MTERF4: variants seen among roughly 807,000 people sequenced by gnomAD.
MTERF4 encodes transcription termination factor 4, mitochondrial.
A neutral mutation model predicts 22.5 loss-of-function variants in MTERF4; 17 were observed. The ratio of observed to expected loss-of-function variants is 0.75; its 90% confidence interval spans 0.52 to 1.13. The LOEUF (loss-of-function observed/expected upper bound fraction) is 1.13, where lower values mean the gene tolerates loss of function less well. Ranked by LOEUF, MTERF4 falls within the 50% of genes most tolerant of loss-of-function variation. The pLI, the probability that MTERF4 is intolerant of heterozygous loss-of-function variation, is 0.00. For synonymous variants in MTERF4, 165 were observed against 175.3 expected, an observed-to-expected ratio of 0.94 and a Z score of 0.47; for missense variants, 420 against 466.8, an observed-to-expected ratio of 0.90 and a Z score of 0.92.
At chr2:241,069,975 C>G, downstream of MTERF4, 1 of 1,613,022 alleles carries the variant, frequency 6.2e-7, no homozygotes, top group Non-Finnish European at 8.5e-7. The surrounding 1 kb of genome is among the most constrained non-coding windows in gnomAD (Gnocchi z 4.9). Context: ...CCTCTGCCCA[C>G]GTGGTCTGGG....
chr2:241,095,697 A>G lies in MTERF4; in HGVS notation c.*301T>C. The G allele has an allele frequency of 2.8e-6, 1 of 351,466 alleles. No homozygotes were observed. Among genetic ancestry groups the G allele is most frequent in the African/African-American group, 2.1e-5 (1 of 47,622 alleles). The allele number at this position is 351,466 out of a possible 1,614,324, so 21.8% of individuals were successfully genotyped here. A position where few individuals can be genotyped will look rare whatever the true frequency, so the allele number is the denominator to read the frequency against. On this transcript the variant is annotated 3_prime_UTR_variant, in exon 4 of 4. Coordinates refer to ENST00000391980, the MANE Select transcript of MTERF4 (RefSeq NM_182501.4). ...CAACATATTCAAAAGAGAAAAAAAT[A>G]AAACCAATTGTTGATATATTGAGTC...
At chr2:241,089,218 A>T (rs148561315), downstream of MTERF4, 2 of 1,368,992 alleles carry the variant, frequency 1.5e-6, no homozygotes, top group African/African-American at 2.9e-5. Context: ...TCACTGCATG[A>T]AAGATGAATC....
chr2:241,079,396 A>G (rs1352469633), intron 4 of MTERF4, among the ~76,000 whole-genome samples: 1 of 147,320 alleles, frequency 6.8e-6, no homozygotes, highest in African/African-American at 2.5e-5. Context: ...TGGGCGACAG[A>G]GTGAGACTCC....
chr2:241,050,781 C>A, the MTERF4 span, among the ~76,000 whole-genome samples: 1 of 152,178 alleles, frequency 6.6e-6, no homozygotes, highest in African/African-American at 2.4e-5. Flanking sequence ...TGACTCTGGC[C>A]CTACTCCAGC....
the MTERF4 span, chr2:241,053,420 T>G: frequency 3.3e-5 from 43 of 1,313,722 alleles, no homozygotes; most frequent in Non-Finnish European, 4.3e-5. Context: ...GGCCCAAGCC[T>G]GGATGCCCAG....
At chr2:241,082,940 C>G, downstream of MTERF4, among the ~76,000 whole-genome samples, 1 of 151,894 alleles carries the variant, frequency 6.6e-6, no homozygotes, top group East Asian at 1.9e-4. Flanking sequence ...ATTTAGTCAA[C>G]AGATGACTTA....
the MTERF4 span, chr2:241,052,479 CAG>C: frequency 3.2e-6 from 5 of 1,585,734 alleles, no homozygotes; most frequent in East Asian, 2.3e-5. Flanking sequence ...GTGAGAGGGT[CAG>C]GGGGATCAAG....
At chr2:241,086,258 T>A (rs2063570496), downstream of MTERF4, among the ~76,000 whole-genome samples, 1 of 152,216 alleles carries the variant, frequency 6.6e-6, no homozygotes. Context: ...CTTCTTTGCC[T>A]TGTGGGGATT....
At chr2:241,057,813 G>C in the MTERF4 span, among the ~76,000 whole-genome samples, 2 of 152,130 alleles carry the variant, frequency 1.3e-5, no homozygotes, top group Non-Finnish European at 2.9e-5. Context: ...GCAAAAAAAA[G>C]TGTCCTTTTC....
rs1269621614 is a variant in MTERF4, at chr2:241,101,235, G to A, written c.21+1018C>T. On this transcript the variant is annotated intron_variant, in intron 1 of 3. Transcript: ENST00000391980. The stretch of plus-strand genomic sequence containing the variant: ...AGGAGGTGCCATCTGGGGTTGATGG[G>A]AAACAGTGACAGATCATCGGGCATC... 3 of 463,806 alleles carry A rather than the reference G, an allele frequency of 6.5e-6. 1 individual carries two copies. The highest frequency in any genetic ancestry group is 4.7e-5 in the South Asian group (3 of 64,180). The allele number at this position is 463,806 out of a possible 1,614,324, so 28.7% of individuals were successfully genotyped here. A position where few individuals can be genotyped will look rare whatever the true frequency, so the allele number is the denominator to read the frequency against.
chr2:241,065,047 G>T, the MTERF4 span: 1 of 1,032,984 alleles, frequency 9.7e-7, no homozygotes, highest in South Asian at 1.6e-5. Context: ...AGAGCGTCTG[G>T]CCGCTGCTTG....
intron 4 of MTERF4, among the ~76,000 whole-genome samples, chr2:241,080,233 G>A (rs1234729285): frequency 1.3e-5 from 2 of 152,124 alleles, no homozygotes; most frequent in African/African-American, 4.8e-5. Context: ...ACAGTGAGCT[G>A]AGATCGCGAC....
chr2:241,096,590 T>C lies in MTERF4; in HGVS notation c.706-152A>G. The C allele has an allele frequency of 1.2e-6, 1 of 827,432 alleles. No homozygotes were observed. Among genetic ancestry groups the C allele is most frequent in the South Asian group, 1.4e-5 (1 of 70,282 alleles). The allele number at this position is 827,432 out of a possible 1,614,324, so 51.3% of individuals were successfully genotyped here. A position where few individuals can be genotyped will look rare whatever the true frequency, so the allele number is the denominator to read the frequency against. On this transcript the variant is annotated intron_variant, in intron 3 of 3. Coordinates refer to ENST00000391980, the MANE Select transcript of MTERF4 (RefSeq NM_182501.4). The surrounding 1 kb of genome is among the most constrained non-coding windows in gnomAD (Gnocchi z 5.1). ...ACCCAGTCTAGGATACTGACATTTG[T>C]GTGACAGCCAGCAGTTTCAAAACAC...
the MTERF4 span, chr2:241,062,921 C>A: frequency 1.1e-5 from 16 of 1,509,380 alleles, no homozygotes; most frequent in Admixed American, 1.9e-5. Flanking sequence ...GGGGCCCTGG[C>A]CCCGCTGGGG....
At chr2:241,063,986 G>A in the MTERF4 span, 2 of 1,500,692 alleles carry the variant, frequency 1.3e-6, no homozygotes, top group Non-Finnish European at 1.8e-6. Flanking sequence ...CTTGCAGCTT[G>A]GGCCCACTCT....
At chr2:241,054,042 C>A in the MTERF4 span, among the ~76,000 whole-genome samples, 1 of 152,180 alleles carries the variant, frequency 6.6e-6, no homozygotes, top group Non-Finnish European at 1.5e-5. Flanking sequence ...CCCCCACATG[C>A]CCCGCAAAGC....
the MTERF4 span, chr2:241,063,370 G>A: frequency 1.7e-6 from 1 of 589,014 alleles, no homozygotes. Context: ...GGAAGGCATG[G>A]CCTGGAGGTG....
the MTERF4 span, chr2:241,065,216 C>T: frequency 1.1e-3 from 1,627 of 1,451,232 alleles, 12 homozygotes; most frequent in African/African-American, 0.018. Flanking sequence ...GAGCCAGACC[C>T]GGCTGAGCCG....
the MTERF4 span, chr2:241,064,193 GCCCGCCCTCTGCCCGCCTGCTC>G: frequency 3.2e-4 from 343 of 1,072,412 alleles, no homozygotes; most frequent in African/African-American, 2.4e-3. This position sits in a 1 kb window ranked among gnomAD's most constrained non-coding sequence, Gnocchi z 7.0. Context: ...CCCGCCTGCT[GCCCGCCCTCTGCCCGCCTGCTC>G]CCCGCCCTCT....
Sources: gnomAD v4.1 joint callset for allele counts (sites outside exome capture counted in the v4.1 genomes callset) on GRCh38, gnomAD v4.1.1 for gene constraint, Gnocchi (gnomAD v3.1) non-coding constraint, MANE v1.5 for transcripts, NCBI Gene and HGNC (gene_info 2026-07-23, HGNC 2026-07-21) for gene names.